NTM: variants seen among roughly 807,000 people sequenced by gnomAD.
NTM encodes the protein neurotrimin, also known as IgLON family member 2.
In NTM, 13 loss-of-function variants were observed where a neutral mutation model predicts 42.1. The observed-to-expected ratio is 0.31, with a 90% CI of 0.20 to 0.49. The LOEUF is 0.49. Ranked by LOEUF, NTM falls within the 20% of genes least tolerant of loss-of-function variation. The pLI is 0.99. For missense variants in NTM, 373 were observed against 452.8 expected (o/e 0.82, Z 1.60); for synonymous variants, 187 against 179.2 (o/e 1.04, Z -0.35).
At chr11:131,600,185 G>T (rs1162540770) in intron 1 of NTM, among the ~76,000 whole-genome samples, 4 of 152,192 alleles carry the variant, frequency 2.6e-5, no homozygotes, top group Admixed American at 1.3e-4. Context: ...TGGGGTGAGG[G>T]TTGTAGGGAG....
At chr11:131,836,851 A>C (rs2043561262) in intron 1 of NTM, among the ~76,000 whole-genome samples, 1 of 152,224 alleles carries the variant, frequency 6.6e-6, no homozygotes, top group African/African-American at 2.4e-5. Flanking sequence ...TAATTGACTA[A>C]ATTAAGAAAT....
chr11:131,659,711 G>A (rs996601411), intron 1 of NTM, among the ~76,000 whole-genome samples: 1 of 152,268 alleles, frequency 6.6e-6, no homozygotes, highest in Non-Finnish European at 1.5e-5. Context: ...TGATCGGGAT[G>A]CAATATTTGA....
intron 1 of NTM, among the ~76,000 whole-genome samples, chr11:131,452,631 C>T (rs751238734): frequency 1.9e-4 from 29 of 152,070 alleles, no homozygotes; most frequent in Admixed American, 1.2e-3. Flanking sequence ...TCGACATAGA[C>T]GTGTATTTTA....
intron 2 of NTM, among the ~76,000 whole-genome samples, chr11:132,097,693 A>G (rs527411955): frequency 6.6e-6 from 1 of 152,378 alleles, no homozygotes; most frequent in Non-Finnish European, 1.5e-5. Flanking sequence ...TTGAACATAG[A>G]GCCTGGAAGG....
At chr11:131,763,914 T>C (rs931858064) in intron 1 of NTM, among the ~76,000 whole-genome samples, 4 of 151,952 alleles carry the variant, frequency 2.6e-5, no homozygotes, top group African/African-American at 7.2e-5. Context: ...ATGTAAGTTT[T>C]ATTTATCGTT....
At chr11:131,735,836 G>GGT (rs57244613) in intron 1 of NTM, among the ~76,000 whole-genome samples, 1 of 68,910 alleles carries the variant, frequency 1.5e-5, no homozygotes, top group Non-Finnish European at 2.4e-5. Context: ...CATTCATAAG[G>GGT]TGTGTGTGTG....
chr11:131,754,288 AAAAAAAG>A (rs1370126026), intron 1 of NTM, among the ~76,000 whole-genome samples: 3 of 141,522 alleles, frequency 2.1e-5, no homozygotes, highest in East Asian at 3.9e-4. Flanking sequence ...ATAATTTAAA[AAAAAAAG>A]AAAAAAGAAA....
intron 1 of NTM, among the ~76,000 whole-genome samples, chr11:131,631,312 G>A (rs1195649981): frequency 2.0e-5 from 3 of 152,116 alleles, no homozygotes; most frequent in East Asian, 1.9e-4. Flanking sequence ...AGAAAACCAC[G>A]CAAATAACAG....
intron 2 of NTM, among the ~76,000 whole-genome samples, chr11:132,075,479 T>G (rs1016860202): frequency 2.0e-5 from 3 of 149,802 alleles, no homozygotes; most frequent in Admixed American, 6.7e-5. Context: ...CCAAGTTGAT[T>G]TTGCATTTCT....
At chr11:131,824,507 A>C (rs899658101) in intron 1 of NTM, among the ~76,000 whole-genome samples, 1 of 152,226 alleles carries the variant, frequency 6.6e-6, no homozygotes, top group African/African-American at 2.4e-5. Context: ...TCCTTAGCTG[A>C]GTAGAAGAGT....
At chr11:132,099,837 C>A (rs1437434722) in intron 2 of NTM, among the ~76,000 whole-genome samples, 1 of 152,192 alleles carries the variant, frequency 6.6e-6, no homozygotes, top group South Asian at 2.1e-4. Context: ...GGTTTGAACG[C>A]CTCACTGCAT....
At chr11:131,783,656 G>C (rs572954054) in intron 1 of NTM, among the ~76,000 whole-genome samples, 22 of 152,144 alleles carry the variant, frequency 1.4e-4, no homozygotes, top group African/African-American at 5.1e-4. Context: ...ATGAACCACA[G>C]TTCATATAAG....
chr11:131,840,588 G>A (rs561028446), intron 1 of NTM, among the ~76,000 whole-genome samples: 12 of 152,282 alleles, frequency 7.9e-5, no homozygotes, highest in Admixed American at 2.6e-4. Flanking sequence ...AAACTTTCAT[G>A]AGTTTTTTCT....
At chr11:132,297,395 G>A (rs773765609) in intron 4 of NTM, among the ~76,000 whole-genome samples, 3 of 152,174 alleles carry the variant, frequency 2.0e-5, no homozygotes, top group Admixed American at 1.3e-4. Flanking sequence ...CTTGCAAAGG[G>A]AAAGCCTGGC....
At chr11:132,179,750 G>A (rs1039322066) in intron 3 of NTM, among the ~76,000 whole-genome samples, 1 of 152,162 alleles carries the variant, frequency 6.6e-6, no homozygotes, top group Non-Finnish European at 1.5e-5. Context: ...GAGATACCAA[G>A]TGGAATGTAT....
intron 1 of NTM, among the ~76,000 whole-genome samples, chr11:131,892,319 A>G (rs534041118): frequency 1.3e-5 from 2 of 152,328 alleles, no homozygotes; most frequent in East Asian, 3.9e-4. Flanking sequence ...TTTGATATCA[A>G]TTATGGTTAT....
At position 131,372,831 on chromosome 11, in the gene NTM, T is replaced by C. The variant is rs77393093; in HGVS notation, c.82+1943T>C. 9.7e-3 allele frequency among the ~76,000 whole-genome samples: 1,475 copies of C among 152,122 alleles called. 31 individuals carry two copies. The highest frequency in any genetic ancestry group is 0.033 in the African/African-American group (1,355 of 41,482). ...TCAGAATAAATGCAGGGAAGCATAA[T>C]ATTTGCTCATACTTTGAATCATCTC... On this transcript the variant is annotated intron_variant, in intron 1 of 8. Coordinates refer to ENST00000683400, the MANE Select transcript of NTM (RefSeq NM_001352005.2).
At chr11:131,378,831 T>C (rs1942290677) in intron 1 of NTM, among the ~76,000 whole-genome samples, 1 of 152,196 alleles carries the variant, frequency 6.6e-6, no homozygotes. Context: ...CAGGAATCAG[T>C]TATCCAGCTG....
chr11:131,737,462 T>A (rs2080618656), intron 1 of NTM, among the ~76,000 whole-genome samples: 1 of 152,232 alleles, frequency 6.6e-6, no homozygotes, highest in African/African-American at 2.4e-5. Context: ...TCATGTTATT[T>A]GTTTTACTGT....
Sources: gnomAD v4.1 joint callset for allele counts (sites outside exome capture counted in the v4.1 genomes callset) on GRCh38, gnomAD v4.1.1 for gene constraint, MANE v1.5 for transcripts, NCBI Gene and HGNC (gene_info 2026-07-23, HGNC 2026-07-21) for gene names.